TCF7L2: variants seen among roughly 807,000 people sequenced by gnomAD.
TCF7L2 encodes the protein transcription factor 7-like 2.
Under a neutral mutation model 77.9 loss-of-function variants are expected in TCF7L2, and 23 were observed. That is an observed-to-expected ratio of 0.30 (90% confidence interval 0.21 to 0.42). TCF7L2 has a LOEUF of 0.42. TCF7L2 is among the 10% of genes least tolerant of loss of function. The pLI is 1.00. For synonymous variants in TCF7L2, 413 were observed against 340.2 expected (o/e 1.21, Z -2.36); for missense variants, 654 against 793.1 (o/e 0.82, Z 2.11).
chr10:113,111,529 C>A (rs544404221), intron 5 of TCF7L2, among the ~76,000 whole-genome samples: 1 of 152,166 alleles, frequency 6.6e-6, no homozygotes, highest in Non-Finnish European at 1.5e-5. Flanking sequence ...CGGTGGCTCA[C>A]GGCTGTAATC....
At chr10:112,977,731 T>C (rs943548386) in intron 4 of TCF7L2, among the ~76,000 whole-genome samples, 1 of 152,092 alleles carries the variant, frequency 6.6e-6, no homozygotes, top group Non-Finnish European at 1.5e-5. Flanking sequence ...TTGGTGAACA[T>C]TAGTCAAAGA....
chr10:113,020,990 C>T (rs113328941), intron 4 of TCF7L2, among the ~76,000 whole-genome samples: 2 of 152,316 alleles, frequency 1.3e-5, no homozygotes, highest in African/African-American at 4.8e-5. Flanking sequence ...TCACCCAGGT[C>T]ACCTGACTCC....
intron 5 of TCF7L2, among the ~76,000 whole-genome samples, chr10:113,106,647 G>A (rs1395417603): frequency 6.6e-6 from 1 of 152,192 alleles, no homozygotes; most frequent in Non-Finnish European, 1.5e-5. Context: ...CGAGAAAGCA[G>A]TGAGCTGGAA....
chr10:113,163,273 G>A (rs1351014566), intron 13 of TCF7L2, among the ~76,000 whole-genome samples: 1 of 152,144 alleles, frequency 6.6e-6, no homozygotes, highest in Non-Finnish European at 1.5e-5. Context: ...TGCCACACAA[G>A]GTTTCTAGTT....
At chr10:113,018,213 T>C (rs1372859890) in intron 4 of TCF7L2, among the ~76,000 whole-genome samples, 1 of 152,180 alleles carries the variant, frequency 6.6e-6, no homozygotes, top group Admixed American at 6.5e-5. Context: ...CATAACATAG[T>C]AGGTGCTCAA....
At chr10:113,029,630 G>A (rs868328857) in intron 4 of TCF7L2, among the ~76,000 whole-genome samples, 24 of 151,140 alleles carry the variant, frequency 1.6e-4, no homozygotes, top group Non-Finnish European at 2.8e-4. Context: ...GGGTTCAAGC[G>A]ATTCTCCTGT....
chr10:113,131,022 T>C (rs1404949878), intron 5 of TCF7L2, among the ~76,000 whole-genome samples: 1 of 152,168 alleles, frequency 6.6e-6, no homozygotes, highest in Non-Finnish European at 1.5e-5. Context: ...CGTCTCGGTC[T>C]CCCAAAGTGC....
intron 5 of TCF7L2, among the ~76,000 whole-genome samples, chr10:113,100,024 G>A (rs1008021683): frequency 6.6e-6 from 1 of 152,160 alleles, no homozygotes; most frequent in Non-Finnish European, 1.5e-5. Flanking sequence ...CTCTCTCTTA[G>A]CAGGCTGGAG....
chr10:113,095,329 C>T (rs1434990264), intron 5 of TCF7L2, among the ~76,000 whole-genome samples: 1 of 152,160 alleles, frequency 6.6e-6, no homozygotes, highest in Non-Finnish European at 1.5e-5. Context: ...CCTCCTCACC[C>T]CCTCTCTACC....
intron 5 of TCF7L2, among the ~76,000 whole-genome samples, chr10:113,079,906 C>A (rs1156858905): frequency 6.6e-6 from 1 of 152,036 alleles, no homozygotes; most frequent in Non-Finnish European, 1.5e-5. Flanking sequence ...GAACCACCCC[C>A]CTCCGCCTCC....
chr10:113,016,973 C>T (rs2047437841), intron 4 of TCF7L2, among the ~76,000 whole-genome samples: 2 of 152,166 alleles, frequency 1.3e-5, no homozygotes, highest in South Asian at 4.1e-4. Context: ...GGACTGACCA[C>T]TTCTTGAGGC....
At chr10:112,988,942 G>GCCT (rs751910874) in intron 4 of TCF7L2, among the ~76,000 whole-genome samples, 1 of 152,166 alleles carries the variant, frequency 6.6e-6, no homozygotes, top group African/African-American at 2.4e-5. Flanking sequence ...TTTCAAAGAA[G>GCCT]GTAGGGGACT....
At chr10:113,028,722 A>G (rs931194035) in intron 4 of TCF7L2, among the ~76,000 whole-genome samples, 2 of 152,204 alleles carry the variant, frequency 1.3e-5, no homozygotes, top group Non-Finnish European at 2.9e-5. Flanking sequence ...TGGGGGAAAG[A>G]AATACAGAAT....
At chr10:113,079,228 T>G (rs544550250) in intron 5 of TCF7L2, among the ~76,000 whole-genome samples, 1 of 152,318 alleles carries the variant, frequency 6.6e-6, no homozygotes, top group African/African-American at 2.4e-5. Flanking sequence ...TTTTGGTGGT[T>G]GTTTTTACCT....
intron 5 of TCF7L2, among the ~76,000 whole-genome samples, chr10:113,058,614 A>G (rs1489538609): frequency 6.6e-6 from 1 of 151,888 alleles, no homozygotes; most frequent in Non-Finnish European, 1.5e-5. Flanking sequence ...TCTGAGCAAT[A>G]AGGGGTCTGA....
In TCF7L2 at chr10:113,165,967, G is replaced by C. The variant is rs188333249; in HGVS notation, c.1804G>C (p.Glu602Gln). The C allele has an allele frequency of 6.6e-7, 1 of 1,521,210 alleles. No individual in the cohort carries two copies. Among genetic ancestry groups the C allele is most frequent in the African/African-American group, 1.4e-5 (1 of 71,732 alleles). 94.2% of individuals were successfully genotyped at this position (1,521,210 alleles called of 1,614,324 possible). Residue 602 changes from glutamate to glutamine, a missense_variant, in exon 14 of 14, where the codon GAA (glutamate) becomes CAA (glutamine). Physicochemically the swap from Glu to Gln is conservative, Grantham distance 29 (BLOSUM62 2). Coordinates refer to ENST00000627217, the MANE Select transcript of TCF7L2 (RefSeq NM_001146274.2). ...GCTGTCGCTCGTCACCAAGTCTTTAGAATAGCTTTAGCGTCGTGAACCCCG... is the reference window on the plus strand; with the variant it reads ...GCTGTCGCTCGTCACCAAGTCTTTACAATAGCTTTAGCGTCGTGAACCCCG...
intron 5 of TCF7L2, among the ~76,000 whole-genome samples, chr10:113,091,750 C>T (rs950142432): frequency 2.0e-5 from 3 of 152,150 alleles, no homozygotes; most frequent in Non-Finnish European, 2.9e-5. Context: ...TCGGACTTTT[C>T]GCTGTCTTGC....
chr10:112,969,966 C>T (rs1429315286), intron 4 of TCF7L2, among the ~76,000 whole-genome samples: 1 of 152,174 alleles, frequency 6.6e-6, no homozygotes, highest in Admixed American at 6.5e-5. Flanking sequence ...TGATGAAGGT[C>T]GAGACCCACA....
At chr10:113,110,896 GCT>G (rs1218099015) in intron 5 of TCF7L2, among the ~76,000 whole-genome samples, 2 of 152,138 alleles carry the variant, frequency 1.3e-5, no homozygotes, top group Admixed American at 1.3e-4. Context: ...ATAGCCAACA[GCT>G]CTGAGTTTAG....
Sources: allele counts gnomAD v4.1 joint callset (sites outside exome capture counted in the v4.1 genomes callset), GRCh38; gene constraint gnomAD v4.1.1; transcripts MANE v1.5; gene names NCBI Gene and HGNC (gene_info 2026-07-23, HGNC 2026-07-21).